The following CNTN4 variants were observed in gnomAD, a reference collection of about 807,000 sequenced individuals.
The protein encoded by CNTN4 is contactin-4.
CNTN4 carries 77 observed loss-of-function variants against 122.5 expected under a neutral mutation model. The ratio of observed to expected loss-of-function variants is 0.63; its 90% CI spans 0.52 to 0.76. The LOEUF is 0.76. CNTN4 is among the 30% of genes least tolerant of loss of function. The probability of loss-of-function intolerance (pLI) is 0.00; values close to 1 mark genes in which losing one functional copy is unlikely to be tolerated. For missense variants in CNTN4, 1,256 were observed against 1,259.1 expected, an observed-to-expected ratio of 1.00 and a Z score of 0.04; for synonymous variants, 512 against 447.0, an observed-to-expected ratio of 1.15 and a Z score of -1.83.
chr3:2,509,584 G>A (rs1341904143), intron 3 of CNTN4, among the ~76,000 whole-genome samples: 1 of 152,170 alleles, frequency 6.6e-6, no homozygotes, highest in Admixed American at 6.5e-5. Flanking sequence ...TTGATAATGG[G>A]CACAGAAGGG....
rs150320692 is a variant in CNTN4, at chr3:2,243,128, A to G, written c.-144-96050A>G. ...CAAGTAACTGTTCTCCCTCCATGGAATGTATTATTATCCTCTGCCACTGTC... is the reference window on the plus strand; with the variant it reads ...CAAGTAACTGTTCTCCCTCCATGGAGTGTATTATTATCCTCTGCCACTGTC... On this transcript the variant is annotated intron_variant, in intron 2 of 24. Coordinates refer to ENST00000418658, the MANE Select transcript of CNTN4 (RefSeq NM_175607.3). Among the ~76,000 whole-genome samples the G allele has an allele frequency of 1.7e-3, 255 of 152,222 alleles. 2 individuals carry two copies. Among genetic ancestry groups the G allele is most frequent in the African/African-American group, 5.7e-3 (239 of 41,570 alleles).
At chr3:3,025,455 C>G (rs1383733709) in intron 14 of CNTN4, among the ~76,000 whole-genome samples, 1 of 151,828 alleles carries the variant, frequency 6.6e-6, no homozygotes, top group Non-Finnish European at 1.5e-5. Flanking sequence ...ATAAACATGC[C>G]TATACAATAT....
intron 7 of CNTN4, among the ~76,000 whole-genome samples, chr3:2,820,436 C>T (rs2092836960): frequency 6.6e-6 from 1 of 152,064 alleles, no homozygotes; most frequent in African/African-American, 2.4e-5. Flanking sequence ...ATTCATTAAC[C>T]CTGAAGCTCT....
chr3:2,384,933 T>C (rs1381541299), intron 3 of CNTN4, among the ~76,000 whole-genome samples: 1 of 152,200 alleles, frequency 6.6e-6, no homozygotes. Flanking sequence ...ATTGGTTTCA[T>C]ATAGCCCCTT....
chr3:2,458,645 T>C (rs1487783138), intron 3 of CNTN4, among the ~76,000 whole-genome samples: 1 of 152,104 alleles, frequency 6.6e-6, no homozygotes, highest in African/African-American at 2.4e-5. Flanking sequence ...CCCCACGAAG[T>C]TAGTACCCAT....
chr3:2,099,928 G>A (rs895033005), intron 1 of CNTN4, among the ~76,000 whole-genome samples: 5 of 152,216 alleles, frequency 3.3e-5, no homozygotes, highest in African/African-American at 1.2e-4. Flanking sequence ...AGGGTAGGAG[G>A]ACGTGGGCTC....
chr3:2,923,333 T>G (rs1490290732), intron 12 of CNTN4, among the ~76,000 whole-genome samples: 3 of 152,166 alleles, frequency 2.0e-5, no homozygotes, highest in Non-Finnish European at 2.9e-5. Flanking sequence ...TTTTTTACAT[T>G]TTTCTGTCAG....
chr3:2,887,046 A>C lies in CNTN4; in HGVS notation c.762A>C (p.Val254=). ...KLECFALGNP[V]PTIIWRRADG... is the part of the protein sequence containing the mutation. The stretch of plus-strand genomic sequence containing the variant: ...TTTTTATTCTTGCTATCAGTCCAGT[A>C]CCAACTATTATCTGGCGAAGAGCTG... Residue 254 remains valine, a synonymous_variant, in exon 10 of 25, where the codon GTA becomes GTC. Transcript: ENST00000418658. The C allele has an allele frequency of 6.2e-7, 1 of 1,613,738 alleles. No individual in the cohort carries two copies. The highest frequency in any genetic ancestry group is 8.5e-7 in the Non-Finnish European group (1 of 1,179,806).
intron 3 of CNTN4, among the ~76,000 whole-genome samples, chr3:2,461,082 C>T (rs2049188930): frequency 6.6e-6 from 1 of 152,050 alleles, no homozygotes; most frequent in African/African-American, 2.4e-5. Flanking sequence ...ACTAGTAACC[C>T]ACCTTACCCA....
chr3:2,220,781 A>T lies in CNTN4; in HGVS notation c.-144-118397A>T, dbSNP rs144248521. Among the ~76,000 whole-genome samples the T allele has an allele frequency of 1.9e-3, 293 of 152,238 alleles. 2 individuals are homozygous for T. The highest frequency in any genetic ancestry group is 6.7e-3 in the African/African-American group (278 of 41,584). On this transcript the variant is annotated intron_variant, in intron 2 of 24. Coordinates refer to ENST00000418658, the MANE Select transcript of CNTN4 (RefSeq NM_175607.3). ...AATAAATGCCAATTACCATCAACAG[A>T]TAGTAATAACTGTTACTATTGTCTT...
chr3:2,308,515 G>A (rs964652669), intron 2 of CNTN4, among the ~76,000 whole-genome samples: 1 of 151,798 alleles, frequency 6.6e-6, no homozygotes, highest in East Asian at 1.9e-4. Flanking sequence ...TTAAATATAC[G>A]CATTCAAAGC....
intron 13 of CNTN4, among the ~76,000 whole-genome samples, chr3:2,964,983 A>G (rs1350441574): frequency 6.6e-6 from 1 of 152,210 alleles, no homozygotes; most frequent in African/African-American, 2.4e-5. Flanking sequence ...GTGAATGAGA[A>G]AAAGATCTTA....
At chr3:2,429,885 G>A (rs1334166526) in intron 3 of CNTN4, among the ~76,000 whole-genome samples, 2 of 152,134 alleles carry the variant, frequency 1.3e-5, no homozygotes, top group East Asian at 1.9e-4. Context: ...TCCAAGCCAC[G>A]CGCGGGATAT....
intron 3 of CNTN4, among the ~76,000 whole-genome samples, chr3:2,470,464 C>T (rs2075647660): frequency 6.6e-6 from 1 of 152,150 alleles, no homozygotes; most frequent in Non-Finnish European, 1.5e-5. Context: ...GTACAACTTA[C>T]TCTTTTTTTG....
At chr3:2,643,712 T>G (rs772994536) in intron 4 of CNTN4, among the ~76,000 whole-genome samples, 1 of 152,110 alleles carries the variant, frequency 6.6e-6, no homozygotes, top group South Asian at 2.1e-4. Flanking sequence ...ATAAAAGTGG[T>G]GATGCGATAG....
intron 3 of CNTN4, among the ~76,000 whole-genome samples, chr3:2,487,644 G>A (rs1017106641): frequency 4.6e-5 from 7 of 151,962 alleles, no homozygotes; most frequent in African/African-American, 7.3e-5. Context: ...GTTTTGTTTT[G>A]TTTTGTATGA....
At chr3:2,919,593 T>G (rs551363277) in intron 12 of CNTN4, among the ~76,000 whole-genome samples, 1 of 152,320 alleles carries the variant, frequency 6.6e-6, no homozygotes, top group African/African-American at 2.4e-5. Flanking sequence ...CATAGTCTAA[T>G]GACTCTCTTC....
intron 3 of CNTN4, among the ~76,000 whole-genome samples, chr3:2,527,029 G>A (rs1193621446): frequency 6.6e-6 from 1 of 152,098 alleles, no homozygotes; most frequent in South Asian, 2.1e-4. Context: ...AGAAAACGTA[G>A]AAGACAGATT....
intron 3 of CNTN4, among the ~76,000 whole-genome samples, chr3:2,426,175 G>A (rs946279437): frequency 6.6e-6 from 1 of 152,136 alleles, no homozygotes; most frequent in African/African-American, 2.4e-5. Flanking sequence ...TCCAGTTTTT[G>A]CCCATTCAGT....
Sources: allele counts gnomAD v4.1 joint callset (sites outside exome capture counted in the v4.1 genomes callset), GRCh38; gene constraint gnomAD v4.1.1; transcripts MANE v1.5; gene names NCBI Gene and HGNC (gene_info 2026-07-23, HGNC 2026-07-21).